The following GNAQ variants were observed in gnomAD, a reference collection of about 807,000 sequenced individuals.
GNAQ encodes guanine nucleotide-binding protein G(q) subunit alpha.
In GNAQ, 8 loss-of-function variants were observed where a neutral mutation model predicts 43.9. That is an observed-to-expected ratio of 0.18 (90% CI 0.11 to 0.33). GNAQ has a LOEUF of 0.33. Among genes scored for constraint, GNAQ ranks in the 10% least tolerant of loss-of-function variants. The pLI is 1.00. For missense variants in GNAQ, 158 were observed against 450.8 expected (o/e 0.35, Z 5.88); for synonymous variants, 155 against 170.7 (o/e 0.91, Z 0.71).
At chr9:77,938,441 G>C (rs1202478210) in intron 1 of GNAQ, among the ~76,000 whole-genome samples, 3 of 152,160 alleles carry the variant, frequency 2.0e-5, no homozygotes, top group African/African-American at 7.2e-5. Context: ...GAAGACACTG[G>C]CATGGCACAA....
chr9:77,725,161 T>G (rs1474995634), intron 6 of GNAQ, among the ~76,000 whole-genome samples: 1 of 152,164 alleles, frequency 6.6e-6, no homozygotes, highest in Non-Finnish European at 1.5e-5. Flanking sequence ...AAAAGTGTTA[T>G]GTTTTTAAGC....
chr9:78,004,026 T>TA (rs1182923911), intron 1 of GNAQ, among the ~76,000 whole-genome samples: 4 of 152,038 alleles, frequency 2.6e-5, no homozygotes, highest in African/African-American at 9.7e-5. Flanking sequence ...CAAATGTGTA[T>TA]AAATCATCAC....
chr9:77,897,435 G>A (rs1828522044), intron 2 of GNAQ, among the ~76,000 whole-genome samples: 1 of 152,158 alleles, frequency 6.6e-6, no homozygotes, highest in East Asian at 1.9e-4. Flanking sequence ...AAAGTGAGAG[G>A]TGGCCAACTT....
Position 78,030,039 on chromosome 9 carries a change from CT to C in GNAQ, c.136+1060del, listed in dbSNP as rs1267765980. Among the ~76,000 whole-genome samples the C allele has an allele frequency of 3.3e-5, 5 of 152,268 alleles. No individual in the cohort carries two copies. The East Asian group carries it at 9.7e-4, about 29-fold the overall frequency. ...ATTTCTATTTGAGAAATGGCATTTT[CT>C]TGCTAACTTAGTGTTGAAGCAGAAT... On this transcript the variant is annotated intron_variant, in intron 1 of 6. Coordinates refer to ENST00000286548, the MANE Select transcript of GNAQ (RefSeq NM_002072.5).
At chr9:77,745,240 T>C (rs1424324531) in intron 5 of GNAQ, among the ~76,000 whole-genome samples, 3 of 152,056 alleles carry the variant, frequency 2.0e-5, no homozygotes, top group African/African-American at 7.2e-5. Flanking sequence ...CTTTACACTC[T>C]CCAACACCCA....
chr9:77,860,330 G>A (rs1011168909), intron 2 of GNAQ, among the ~76,000 whole-genome samples: 2 of 152,108 alleles, frequency 1.3e-5, no homozygotes, highest in African/African-American at 4.8e-5. Flanking sequence ...ACAATGCCCT[G>A]AGGAGGTTGG....
intron 5 of GNAQ, among the ~76,000 whole-genome samples, chr9:77,787,132 G>A (rs752646564): frequency 4.6e-5 from 7 of 152,058 alleles, no homozygotes; most frequent in Non-Finnish European, 8.8e-5. Flanking sequence ...TACTGTCTAC[G>A]CAAGGTTAAA....
At chr9:77,893,933 C>G (rs946348034) in intron 2 of GNAQ, among the ~76,000 whole-genome samples, 27 of 152,108 alleles carry the variant, frequency 1.8e-4, no homozygotes, top group African/African-American at 6.3e-4. Flanking sequence ...CCTCCCCACT[C>G]TCACCTGCGG....
rs909863669 is a variant in GNAQ at position 77,719,262 on chromosome 9, C to T, written c.*2061G>A. The stretch of plus-strand genomic sequence containing the variant: ...TAGCTATAGACATACAATACAATTA[C>T]ATAGATACATATCAATACAGCACAT... On this transcript the variant is annotated 3_prime_UTR_variant, in exon 7 of 7. Transcript: ENST00000286548. 14 of 232,170 alleles carry T rather than the reference C, an allele frequency of 6.0e-5. No individual in the cohort carries two copies. The highest frequency in any genetic ancestry group is 1.2e-4 in the Non-Finnish European group (14 of 117,566). The allele number at this position is 232,170 out of a possible 1,614,324, so 14.4% of individuals were successfully genotyped here. A position where few individuals can be genotyped will look rare whatever the true frequency, so the allele number is the denominator to read the frequency against.
rs1564090199 is a variant in GNAQ at position 77,719,954 on chromosome 9, T to A, written c.*1369A>T. On this transcript the variant is annotated 3_prime_UTR_variant, in exon 7 of 7. Transcript: ENST00000286548. The stretch of plus-strand genomic sequence containing the variant: ...AACTTCAGATTTTGGAAATTAAAGG[T>A]GTCGGAATAATACTACCAACCAATG... The A allele has an allele frequency of 1.7e-5, 4 of 232,358 alleles. No homozygotes were observed. The highest frequency in any genetic ancestry group is 3.4e-5 in the Non-Finnish European group (4 of 117,644). 14.4% of individuals were successfully genotyped at this position (232,358 alleles called of 1,614,324 possible).
At chr9:77,806,226 A>G (rs920556049) in intron 3 of GNAQ, among the ~76,000 whole-genome samples, 4 of 152,266 alleles carry the variant, frequency 2.6e-5, no homozygotes, top group African/African-American at 9.6e-5. Flanking sequence ...TATATATGAT[A>G]ACTTTCCAAG....
chr9:77,916,046 G>C (rs559789858), intron 2 of GNAQ, among the ~76,000 whole-genome samples: 1 of 152,232 alleles, frequency 6.6e-6, no homozygotes, highest in South Asian at 2.1e-4. Context: ...TGAATCTTAG[G>C]TGGGTGACAG....
intron 5 of GNAQ, among the ~76,000 whole-genome samples, chr9:77,778,427 A>C (rs1270801551): frequency 6.6e-6 from 1 of 152,054 alleles, no homozygotes; most frequent in African/African-American, 2.4e-5. Context: ...AAATAAAAGA[A>C]GTATAACGAA....
chr9:77,963,211 G>T (rs1053173869), intron 1 of GNAQ, among the ~76,000 whole-genome samples: 1 of 152,100 alleles, frequency 6.6e-6, no homozygotes, highest in Non-Finnish European at 1.5e-5. Context: ...TTTTAAGAAC[G>T]GATGAAATGA....
At chr9:77,845,815 C>T (rs941642320) in intron 2 of GNAQ, among the ~76,000 whole-genome samples, 2 of 152,162 alleles carry the variant, frequency 1.3e-5, no homozygotes, top group Non-Finnish European at 2.9e-5. Context: ...GAGGGTCTAG[C>T]ATAGGGACCC....
intron 2 of GNAQ, among the ~76,000 whole-genome samples, chr9:77,845,824 C>A (rs1038623751): frequency 1.3e-4 from 20 of 152,106 alleles, no homozygotes; most frequent in Non-Finnish European, 1.3e-4. Context: ...GCATAGGGAC[C>A]CTGAGGGCAG....
intron 1 of GNAQ, among the ~76,000 whole-genome samples, chr9:78,010,151 A>G (rs1823756490): frequency 6.6e-6 from 1 of 152,238 alleles, no homozygotes; most frequent in Non-Finnish European, 1.5e-5. Flanking sequence ...TTTTTAAAAG[A>G]TGAGAACAAT....
intron 1 of GNAQ, among the ~76,000 whole-genome samples, chr9:78,024,765 C>T (rs1291046666): frequency 1.3e-5 from 2 of 151,940 alleles, no homozygotes; most frequent in African/African-American, 2.4e-5. Context: ...TTATTTGGCA[C>T]ATAGTAGGTG....
chr9:77,801,776 A>C (rs1351646241), intron 3 of GNAQ, among the ~76,000 whole-genome samples: 1 of 152,202 alleles, frequency 6.6e-6, no homozygotes, highest in East Asian at 1.9e-4. Context: ...CAACTAAACA[A>C]AAGACATACA....
Sources: allele counts gnomAD v4.1 joint callset (sites outside exome capture counted in the v4.1 genomes callset), GRCh38; gene constraint gnomAD v4.1.1; transcripts MANE v1.5; gene names NCBI Gene and HGNC (gene_info 2026-07-23, HGNC 2026-07-21).